CASK: variants seen among roughly 807,000 people sequenced by gnomAD.
CASK encodes calcium/calmodulin dependent serine protein kinase, also known as peripheral plasma membrane protein CASK.
Under a neutral mutation model 82.9 loss-of-function variants are expected in CASK, and 4 were observed. That is an observed-to-expected ratio of 0.05 (90% CI 0.02 to 0.11). CASK has a LOEUF of 0.11. CASK is among the 10% of genes least tolerant of loss of function. The pLI is 1.00. For synonymous variants in CASK, 259 were observed against 253.5 expected, an observed-to-expected ratio of 1.02 and a Z score of -0.20; for missense variants, 358 against 720.9, an observed-to-expected ratio of 0.50 and a Z score of 5.76.
At chrX:41,749,952 G>A (rs2068759858) in intron 3 of CASK, among the ~76,000 whole-genome samples, 1 of 109,795 alleles carries the variant, frequency 9.1e-6, no homozygotes, top group African/African-American at 3.3e-5. Flanking sequence ...TTATATTTTA[G>A]TTGCTATTGT....
At chrX:41,808,649 G>A (rs1038213326) in intron 2 of CASK, among the ~76,000 whole-genome samples, 10 of 112,130 alleles carry the variant, frequency 8.9e-5, no homozygotes, top group African/African-American at 9.7e-5. Context: ...CGTGAGCGAC[G>A]CAGAAGACGG....
At chrX:41,611,996 C>T (rs1421604695) in intron 11 of CASK, among the ~76,000 whole-genome samples, 1 of 112,468 alleles carries the variant, frequency 8.9e-6, no homozygotes, top group Non-Finnish European at 1.9e-5. Context: ...CTGGTTCACT[C>T]AGTGCTCAAT....
intron 2 of CASK, among the ~76,000 whole-genome samples, chrX:41,792,287 G>T (rs762765988): frequency 1.9e-5 from 2 of 103,205 alleles, no homozygotes; most frequent in South Asian, 8.6e-4. Flanking sequence ...CATTCAATAA[G>T]GATTTTTTTT....
At chrX:41,845,881 T>C (rs182591892) in intron 2 of CASK, among the ~76,000 whole-genome samples, 1 of 111,785 alleles carries the variant, frequency 8.9e-6, no homozygotes, top group African/African-American at 3.2e-5. Flanking sequence ...CACTTCCTTT[T>C]ACTATGCTTA....
chrX:41,596,913 G>T (rs2065830212), intron 12 of CASK, among the ~76,000 whole-genome samples: 1 of 112,038 alleles, frequency 8.9e-6, no homozygotes. Flanking sequence ...TTTGACATGG[G>T]TTTTCAAATG....
chrX:41,546,364 C>T (rs2065023479), intron 21 of CASK, among the ~76,000 whole-genome samples: 1 of 112,132 alleles, frequency 8.9e-6, no homozygotes, highest in Admixed American at 9.5e-5. Flanking sequence ...CCTGCCTTGG[C>T]CTCCAAAAGT....
chrX:41,534,110 A>G (rs1460841642), intron 24 of CASK, among the ~76,000 whole-genome samples: 1 of 111,552 alleles, frequency 9.0e-6, no homozygotes, highest in East Asian at 2.8e-4. Context: ...GAGAAAATGA[A>G]GAGGGCAAGA....
chrX:41,528,604 T>C (rs1267002611), intron 25 of CASK, among the ~76,000 whole-genome samples: 1 of 112,527 alleles, frequency 8.9e-6, no homozygotes, highest in Non-Finnish European at 1.9e-5. Context: ...CCATCTTGTC[T>C]TCTGAATTGT....
chrX:41,564,632 A>G (rs894172384), intron 16 of CASK, among the ~76,000 whole-genome samples: 1 of 112,039 alleles, frequency 8.9e-6, no homozygotes, highest in African/African-American at 3.2e-5. Flanking sequence ...AGAGAAGTTA[A>G]AGAAATAATG....
At chrX:41,620,862 T>C (rs938282206) in intron 11 of CASK, among the ~76,000 whole-genome samples, 41 of 112,501 alleles carry the variant, frequency 3.6e-4, no homozygotes, top group Non-Finnish European at 7.3e-4. Context: ...ATGGTACAGA[T>C]ACCTTGAAAT....
intron 11 of CASK, 117 bp downstream of exon 11, chrX:41,622,500 T>C: frequency 2.0e-6 from 1 of 512,547 alleles, no homozygotes; most frequent in Non-Finnish European, 3.1e-6. Flanking sequence ...TTAAAATTAA[T>C]ACTTAAACAA....
chrX:41,649,618 CAGTT>C (rs1461829869), intron 8 of CASK, among the ~76,000 whole-genome samples: 1 of 111,848 alleles, frequency 8.9e-6, no homozygotes, highest in East Asian at 2.8e-4. Context: ...GTCTGAGAGA[CAGTT>C]TGTTATAATT....
intron 12 of CASK, among the ~76,000 whole-genome samples, chrX:41,608,419 A>G (rs1464621374): frequency 8.9e-6 from 1 of 111,893 alleles, no homozygotes; most frequent in Non-Finnish European, 1.9e-5. Context: ...AACCTCCCAG[A>G]GCCATGCTCT....
intron 21 of CASK, among the ~76,000 whole-genome samples, chrX:41,549,566 G>A (rs1312359379): frequency 8.9e-6 from 1 of 112,530 alleles, no homozygotes; most frequent in Non-Finnish European, 1.9e-5. Flanking sequence ...TTAGCCAGGT[G>A]TGGTAGCTCA....
chrX:41,591,149 G>C (rs1455354197), intron 12 of CASK, among the ~76,000 whole-genome samples: 2 of 111,465 alleles, frequency 1.8e-5, no homozygotes, highest in Non-Finnish European at 3.8e-5. Context: ...AATATATGTG[G>C]GCAGTCTCCA....
intron 12 of CASK, among the ~76,000 whole-genome samples, chrX:41,601,033 G>A (rs991079575): frequency 1.8e-5 from 2 of 111,591 alleles, no homozygotes; most frequent in Non-Finnish European, 1.9e-5. Context: ...ACTTATATAC[G>A]TGGTACCTAG....
rs1249281138 is a variant in CASK at position 41,592,399 on chromosome X, C to T, written c.1156-2807G>A. Among the ~76,000 whole-genome samples the T allele has an allele frequency of 3.6e-5, 4 of 111,029 alleles. No individual in the cohort carries two copies. In the East Asian group the frequency reaches 8.4e-4, roughly 23 times the overall value. On this transcript the variant is annotated intron_variant, in intron 12 of 26. Transcript: ENST00000378163. ...AACATTTTCAACTATGATTATGGTTCGTTTCTATTTAAACATTTAATAAAT... is the reference window on the plus strand; with the variant it reads ...AACATTTTCAACTATGATTATGGTTTGTTTCTATTTAAACATTTAATAAAT...
chrX:41,575,882 G>A (rs779454644), intron 15 of CASK, among the ~76,000 whole-genome samples: 1 of 111,431 alleles, frequency 9.0e-6, no homozygotes, highest in Non-Finnish European at 1.9e-5. Context: ...GACTTTTAGG[G>A]GAGACTCAAG....
intron 2 of CASK, among the ~76,000 whole-genome samples, chrX:41,812,994 A>C (rs1351383128): frequency 9.0e-6 from 1 of 111,197 alleles, no homozygotes; most frequent in Non-Finnish European, 1.9e-5. Context: ...ATTCACAATT[A>C]CTTCAAAGAG....
Sources: gnomAD v4.1 joint callset for allele counts (sites outside exome capture counted in the v4.1 genomes callset) on GRCh38, gnomAD v4.1.1 for gene constraint, MANE v1.5 for transcripts, NCBI Gene and HGNC (gene_info 2026-07-23, HGNC 2026-07-21) for gene names.